Variants in UGP2 observed in about 807,000 individuals in gnomAD.
UGP2 encodes the protein UTP--glucose-1-phosphate uridylyltransferase.
UGP2 carries 40 observed loss-of-function variants against 49.0 expected under a neutral mutation model. The observed-to-expected ratio is 0.82, with a 90% CI of 0.63 to 1.06. The LOEUF (loss-of-function observed/expected upper bound fraction) is 1.06. Ranked by LOEUF, UGP2 falls within the 50% of genes least tolerant of loss-of-function variation. The probability of loss-of-function intolerance (pLI) is 0.00; values close to 1 mark genes in which losing one functional copy is unlikely to be tolerated. For synonymous variants in UGP2, 225 were observed against 213.0 expected, an observed-to-expected ratio of 1.06 and a Z score of -0.49; for missense variants, 460 against 603.5, an observed-to-expected ratio of 0.76 and a Z score of 2.49.
chr2:63,851,124 G>A (rs1216590897), intron 1 of UGP2, among the ~76,000 whole-genome samples: 1 of 152,122 alleles, frequency 6.6e-6, no homozygotes, highest in Non-Finnish European at 1.5e-5. Context: ...ATTTCTAGGA[G>A]GATAATCTCA....
intron 3 of UGP2, among the ~76,000 whole-genome samples, chr2:63,865,483 T>C (rs1265630379): frequency 6.6e-6 from 1 of 151,676 alleles, no homozygotes; most frequent in Non-Finnish European, 1.5e-5. Context: ...GGCTTCTACC[T>C]AGAGAGAATG....
In UGP2 at chr2:63,886,482, GT is replaced by G; in HGVS notation, c.1017del (p.Arg341AspfsTer14). 1 of 1,614,174 alleles carries G rather than the reference GT, an allele frequency of 6.2e-7. No individual in the cohort carries two copies. Among genetic ancestry groups the G allele is most frequent in the South Asian group, 1.1e-5 (1 of 91,084 alleles). ...TNNLWISLAA[V>X]KRLQEQNAID... ...CAACCTATGGATTTCTCTTGCAGCAGTTAAAAGACTGCAGGAGCAAAATGCC... is the reference window on the plus strand; with the variant it reads ...CAACCTATGGATTTCTCTTGCAGCAGTAAAAGACTGCAGGAGCAAAATGCC... On this transcript the variant is annotated frameshift_variant, in exon 7 of 10. Coordinates refer to ENST00000337130, the MANE Select transcript of UGP2 (RefSeq NM_006759.4). LOFTEE classifies it high-confidence loss of function.
rs539008956 is a variant in UGP2, at chr2:63,887,280, T to A, written c.1072-122T>A. ...ACTCCTTCTCAAAAAAAAAAAAAAA[T>A]TTTTTTTTTTCCATCAATGGATCTC... On this transcript the variant is annotated intron_variant, in intron 7 of 9. Transcript: ENST00000337130. 2.1e-3 allele frequency: 1,810 copies of A among 857,294 alleles called. 1 individual carries two copies. The highest frequency in any genetic ancestry group is 2.6e-3 in the Middle Eastern group (10 of 3,818). The allele number at this position is 857,294 out of a possible 1,614,324, so 53.1% of individuals were successfully genotyped here. A position where few individuals can be genotyped will look rare whatever the true frequency, so the allele number is the denominator to read the frequency against.
intron 8 of UGP2, chr2:63,887,856 A>G (rs778201077): frequency 1.7e-5 from 11 of 652,916 alleles, no homozygotes; most frequent in Non-Finnish European, 2.7e-5. Flanking sequence ...GTAGAAAATA[A>G]TCTTTAAATT....
At chr2:63,857,595 G>A (rs1242803513) in intron 2 of UGP2, 2 of 550,580 alleles carry the variant, frequency 3.6e-6, no homozygotes, top group Admixed American at 4.4e-5. Context: ...AAACTCCTGA[G>A]CTCAAACGAT....
At chr2:63,886,282 T>A in intron 6 of UGP2, 59 bp from the exon 7 acceptor site, 2 of 1,511,860 alleles carry the variant, frequency 1.3e-6, no homozygotes, top group Admixed American at 1.7e-5. Context: ...ATCTTTGTAT[T>A]TACAAAAAAA....
At chr2:63,877,142 A>G (rs967664760) in intron 3 of UGP2, among the ~76,000 whole-genome samples, 1 of 152,294 alleles carries the variant, frequency 6.6e-6, no homozygotes, top group African/African-American at 2.4e-5. Context: ...ATAGTTCATC[A>G]GCATGGTTAT....
At chr2:63,855,521 T>G (rs796908801) in intron 1 of UGP2, 916 of 19,926 alleles carry the variant, frequency 0.046, 15 homozygotes, top group African/African-American at 0.24. Context: ...TCTTTTTCTG[T>G]TTTTTTTTTT....
intron 3 of UGP2, among the ~76,000 whole-genome samples, chr2:63,882,119 T>C (rs1182473654): frequency 6.6e-6 from 1 of 152,248 alleles, no homozygotes; most frequent in Non-Finnish European, 1.5e-5. Context: ...AATGACTTGA[T>C]CATTTGCTAT....
At chr2:63,842,325 C>G (rs1057162711) in intron 1 of UGP2, 121 bp downstream of exon 1, 90 of 1,605,928 alleles carry the variant, frequency 5.6e-5, no homozygotes, top group Non-Finnish European at 7.0e-5. Context: ...TTGCGAAACC[C>G]TTTTCGTTGA....
In UGP2 at chr2:63,887,533, C is replaced by G. The variant is rs1313952110; in HGVS notation, c.1203C>G (p.Leu401=). 6.2e-7 allele frequency: 1 copy of G among 1,614,002 alleles called. No individual in the cohort carries two copies. The highest frequency in any genetic ancestry group is 1.1e-5 in the South Asian group (1 of 91,080). The part of the protein sequence containing the change: ...RFLPVKTTSD[L]LLVMSNLYSL... The stretch of plus-strand genomic sequence containing the variant: ...TGCCTGTCAAAACCACATCAGATCT[C>G]TTGCTGGTGATGTCAAACCTCTATA... Residue 401 remains leucine (L), a synonymous_variant, in exon 8 of 10, where the codon CTC becomes CTG. Coordinates refer to ENST00000337130, the MANE Select transcript of UGP2 (RefSeq NM_006759.4).
At chr2:63,862,135 T>G (rs756389863) in intron 3 of UGP2, among the ~76,000 whole-genome samples, 13 of 152,108 alleles carry the variant, frequency 8.5e-5, no homozygotes, top group Non-Finnish European at 1.8e-4. Context: ...ATTTCCCAGC[T>G]GCAACTAGCC....
chr2:63,879,381 G>A (rs1468989733), intron 3 of UGP2, among the ~76,000 whole-genome samples: 1 of 152,026 alleles, frequency 6.6e-6, no homozygotes, highest in Non-Finnish European at 1.5e-5. Flanking sequence ...TTTATAATAA[G>A]CATTTATACT....
At chr2:63,841,793 G>A, upstream of UGP2, 1 of 170,138 alleles carries the variant, frequency 5.9e-6, no homozygotes, top group Non-Finnish European at 1.3e-5. Context: ...GCCTCCTGCA[G>A]TACAGCCCTG....
chr2:63,844,057 G>A (rs1378371661), intron 1 of UGP2, among the ~76,000 whole-genome samples: 1 of 152,312 alleles, frequency 6.6e-6, no homozygotes, highest in East Asian at 1.9e-4. Context: ...ATAGCCTATA[G>A]TTGTCATACA....
intron 1 of UGP2, among the ~76,000 whole-genome samples, chr2:63,854,560 TCTGTGCCTCCTGG>T (rs1669257931): frequency 9.0e-5 from 2 of 22,192 alleles, no homozygotes; most frequent in Non-Finnish European, 1.5e-4. Context: ...GGTTCCCTGC[TCTGTGCCTCCTGG>T]TCTGTGCCCA....
chr2:63,864,428 TAAC>T (rs1444060304), intron 3 of UGP2, among the ~76,000 whole-genome samples: 2 of 152,218 alleles, frequency 1.3e-5, no homozygotes, highest in Non-Finnish European at 2.9e-5. Context: ...ACAGTAGTAA[TAAC>T]AATAGCAACA....
At chr2:63,864,773 C>T (rs568913914) in intron 3 of UGP2, among the ~76,000 whole-genome samples, 3 of 152,242 alleles carry the variant, frequency 2.0e-5, no homozygotes, top group African/African-American at 7.2e-5. Context: ...GAGCAGGCTC[C>T]ATTCCTTCCT....
At position 63,842,222 on chromosome 2, in the gene UGP2, T is replaced by G. The variant is rs779305087; in HGVS notation, c.19+18T>G. On this transcript the variant is annotated intron_variant, in intron 1 of 9. Transcript: ENST00000337130. Reference sequence around the variant, plus strand: ...TGTACAAGGTAAGAAATGCTGCTGCTTATATCCCGAGTTGCTTCAGGCAAA... The same window carrying G: ...TGTACAAGGTAAGAAATGCTGCTGCGTATATCCCGAGTTGCTTCAGGCAAA... The G allele has an allele frequency of 3.7e-6, 6 of 1,609,772 alleles. No homozygotes were observed. Among genetic ancestry groups the G allele is most frequent in the Non-Finnish European group, 4.2e-6 (5 of 1,178,850 alleles).
Sources: gnomAD v4.1 joint callset for allele counts (sites outside exome capture counted in the v4.1 genomes callset) on GRCh38, gnomAD v4.1.1 for gene constraint, MANE v1.5 for transcripts, NCBI Gene and HGNC (gene_info 2026-07-23, HGNC 2026-07-21) for gene names.